Variants in COL8A2 observed in about 807,000 individuals in gnomAD.
COL8A2 encodes the protein collagen type VIII alpha 2 chain.
A neutral mutation model predicts 24.0 loss-of-function variants in COL8A2; 16 were observed. The ratio of observed to expected loss-of-function variants is 0.67; its 90% CI spans 0.45 to 1.01. COL8A2 has a LOEUF of 1.01. Among genes scored for constraint, COL8A2 ranks in the 50% least tolerant of loss-of-function variants. The probability of loss-of-function intolerance (pLI) is 0.00; values close to 1 mark genes in which losing one functional copy is unlikely to be tolerated. For synonymous variants in COL8A2, 466 were observed against 424.5 expected (o/e 1.10, Z -1.20); for missense variants, 818 against 942.4 (o/e 0.87, Z 1.73).
rs1199157828 is a variant in COL8A2, at chr1:36,099,294, C to T, written c.387G>A (p.Gly129=). 6 of 1,565,126 alleles carry T rather than the reference C, an allele frequency of 3.8e-6. No homozygotes were observed. The African/African-American group carries it at 6.8e-5, about 18-fold the overall frequency. Residue 129 remains glycine, a synonymous_variant, in exon 4 of 4, where the codon GGG becomes GGA. Coordinates refer to ENST00000397799, the MANE Select transcript of COL8A2 (RefSeq NM_005202.4). ...CTGGTGGCCCGACCTTGCCAGGGAGCCCTGGGGGACCAGCCTTGCCCATCC... is the reference window on the plus strand; with the variant it reads ...CTGGTGGCCCGACCTTGCCAGGGAGTCCTGGGGGACCAGCCTTGCCCATCC... ...FSRMGKAGPP[G]LPGKVGPPGQ...
Position 36,099,253 on chromosome 1 carries a change from C to T in COL8A2, c.428G>A (p.Arg143Gln), listed in dbSNP as rs773423863. 1.4e-5 allele frequency: 21 copies of T among 1,548,548 alleles called. No homozygotes were observed. Among genetic ancestry groups the T allele is most frequent in the Middle Eastern group, 1.8e-4 (1 of 5,420 alleles). The part of the protein sequence containing the change: ...KVGPPGQPGL[R>Q]GEPGIRGDQG... ...GTCCCCTCGTATTCCTGGCTCCCCC[C>T]GAAGCCCCGGCTGCCCTGGTGGCCC... is the stretch of plus-strand genomic sequence containing the variant. The change falls in exon 4 of 4, where the codon CGG becomes CAG. Residue 143 changes from arginine (R) to glutamine (Q), a missense_variant. By Grantham distance (43) the Arg-to-Gln change is conservative. Coordinates refer to ENST00000397799, the MANE Select transcript of COL8A2 (RefSeq NM_005202.4).
intron 1 of COL8A2, among the ~76,000 whole-genome samples, chr1:36,116,251 C>T (rs1177229589): frequency 2.0e-5 from 3 of 152,176 alleles, no homozygotes; most frequent in Non-Finnish European, 4.4e-5. Flanking sequence ...GTGCCCCATA[C>T]TCCACAACTC....
chr1:36,124,450 G>A (rs531404289), intron 1 of COL8A2, among the ~76,000 whole-genome samples: 1 of 150,786 alleles, frequency 6.6e-6, no homozygotes, highest in Admixed American at 6.6e-5. Context: ...CCCCCTGCAA[G>A]TCTCAGTCTG....
chr1:36,108,723 G>T (rs898318973), intron 2 of COL8A2, among the ~76,000 whole-genome samples: 7 of 152,120 alleles, frequency 4.6e-5, no homozygotes, highest in Admixed American at 3.3e-4. Flanking sequence ...GCAGAGTGGC[G>T]GTGGTGTGCA....
At chr1:36,107,599 T>C (rs1570041907) in intron 2 of COL8A2, among the ~76,000 whole-genome samples, 1 of 152,072 alleles carries the variant, frequency 6.6e-6, no homozygotes, top group Non-Finnish European at 1.5e-5. Context: ...TGGGTGGAGC[T>C]GGGGAGTGCG....
Position 36,115,290 on chromosome 1 carries a change from C to T in COL8A2, c.-17+418G>A, listed in dbSNP as rs751544970. On this transcript the variant is annotated intron_variant, in intron 2 of 3. Transcript: ENST00000397799. This position sits in a 1 kb window ranked among gnomAD's most constrained non-coding sequence, Gnocchi z 5.7. ...TCTGGTTCGCATTTGCAGCCTTTTC[C>T]GGAGCGCCACCCGCCACCCGCTGCC... Among the ~76,000 whole-genome samples, 2 of 152,202 alleles carry T rather than the reference C, an allele frequency of 1.3e-5. No individual in the cohort carries two copies. Among genetic ancestry groups the T allele is most frequent in the South Asian group, 2.1e-4 (1 of 4,836 alleles).
chr1:36,122,394 G>A (rs1280346279), intron 1 of COL8A2, among the ~76,000 whole-genome samples: 1 of 152,174 alleles, frequency 6.6e-6, no homozygotes, highest in Non-Finnish European at 1.5e-5. Context: ...AAGTGGGCCT[G>A]GAATTCTCTT....
At chr1:36,113,069 G>A (rs1311718001) in intron 2 of COL8A2, among the ~76,000 whole-genome samples, 1 of 152,184 alleles carries the variant, frequency 6.6e-6, no homozygotes, top group African/African-American at 2.4e-5. Flanking sequence ...AGAGATGGAT[G>A]TTGAGCCCAG....
intron 2 of COL8A2, among the ~76,000 whole-genome samples, chr1:36,108,785 T>C (rs274763): frequency 0.11 from 15,967 of 151,992 alleles, 997 homozygotes; most frequent in South Asian, 0.2. Context: ...CCTTCACTGC[T>C]CCCAGAAATG....
At chr1:36,117,138 T>A (rs1001625101) in intron 1 of COL8A2, among the ~76,000 whole-genome samples, 2 of 152,242 alleles carry the variant, frequency 1.3e-5, no homozygotes, top group African/African-American at 4.8e-5. Flanking sequence ...CAGTCCTGTC[T>A]GTAGCTGCAC....
Position 36,098,987 on chromosome 1 carries a change from C to A in COL8A2, c.694G>T (p.Gly232Cys). ...CCAGGTTTGCCTAAGCCAGCTGGAC[C>A]AGGGAGGCCGGGGGGGCCGGGGGCA... ...GGAPGPPGLP[G>C]PAGLGKPGLD... is the part of the protein sequence containing the mutation. Residue 232 changes from glycine (G) to cysteine (C), a missense_variant, in exon 4 of 4, where the codon GGT becomes TGT. Around this residue, in one of 3 missense-constraint regions of COL8A2, gnomAD observed 573 missense variants for 616.8 expected, o/e 0.93. Coordinates refer to ENST00000397799, the MANE Select transcript of COL8A2 (RefSeq NM_005202.4). 1 of 1,600,446 alleles carries A rather than the reference C, an allele frequency of 6.2e-7. No homozygotes were observed. The highest frequency in any genetic ancestry group is 8.5e-7 in the Non-Finnish European group (1 of 1,171,672).
intron 1 of COL8A2, among the ~76,000 whole-genome samples, chr1:36,117,276 G>A (rs1326337241): frequency 6.6e-6 from 1 of 152,250 alleles, no homozygotes; most frequent in Non-Finnish European, 1.5e-5. Flanking sequence ...CCTGGATGAT[G>A]GAGCCCAGGT....
rs529976022 is a variant in COL8A2 at position 36,097,461 on chromosome 1, C to T, written c.*108G>A. ...AGTCTCCTCGGGCCAAGGCCACGGC[C>T]GCCTCTGTTCAGCTTTTGTTTTTTT... On this transcript the variant is annotated 3_prime_UTR_variant, in exon 4 of 4. Coordinates refer to ENST00000397799, the MANE Select transcript of COL8A2 (RefSeq NM_005202.4). 2,488 of 933,284 alleles carry T rather than the reference C, an allele frequency of 2.7e-3. 10 individuals carry two copies. The highest frequency in any genetic ancestry group is 3.6e-3 in the Non-Finnish European group (2,183 of 607,028). The allele number at this position is 933,284 out of a possible 1,614,324, so 57.8% of individuals were successfully genotyped here.
chr1:36,098,941 G>A lies in COL8A2; in HGVS notation c.740C>T (p.Ala247Val), dbSNP rs1376156108. The A allele has an allele frequency of 3.1e-6, 5 of 1,610,708 alleles. No homozygotes were observed. The highest frequency in any genetic ancestry group is 1.3e-5 in the African/African-American group (1 of 74,802). ...GKPGLDGLPG[A>V]PGDKGESGPP... is the part of the protein sequence containing the mutation. Reference sequence around the variant, plus strand: ...CCCAGACTCACCCTTGTCTCCTGGGGCCCCAGGAAGCCCATCCAAACCAGG... The same window carrying A: ...CCCAGACTCACCCTTGTCTCCTGGGACCCCAGGAAGCCCATCCAAACCAGG... The change falls in exon 4 of 4, where the codon GCC (alanine) becomes GTC (valine). Residue 247 changes from alanine (A) to valine (V), a missense_variant. Ala to Val is a moderately conservative substitution (Grantham distance 64). This residue lies in a region of COL8A2 where 573 missense variants were observed against 616.8 expected (regional missense o/e 0.93). Transcript: ENST00000397799.
chr1:36,102,916 G>T (rs985439147), intron 2 of COL8A2, among the ~76,000 whole-genome samples: 2 of 151,758 alleles, frequency 1.3e-5, no homozygotes, highest in Non-Finnish European at 2.9e-5. Context: ...CTAGCGATCC[G>T]CCTGCCTCAG....
chr1:36,108,947 G>C (rs975574083), intron 2 of COL8A2, among the ~76,000 whole-genome samples: 1 of 152,170 alleles, frequency 6.6e-6, no homozygotes, highest in Non-Finnish European at 1.5e-5. Flanking sequence ...CATTTCACAG[G>C]TGAGCGATCA....
At chr1:36,100,323 C>T in intron 2 of COL8A2, 65 bp from the exon 3 acceptor site, 1 of 1,369,346 alleles carries the variant, frequency 7.3e-7, no homozygotes, top group Non-Finnish European at 1.0e-6. Context: ...GGCCCGGGGT[C>T]ACCAAAAGAT....
rs979786056 is a variant in COL8A2, at chr1:36,096,502, G to A, written c.*1067C>T. On this transcript the variant is annotated 3_prime_UTR_variant, in exon 4 of 4. Coordinates refer to ENST00000397799, the MANE Select transcript of COL8A2 (RefSeq NM_005202.4). The stretch of plus-strand genomic sequence containing the variant: ...TGTACACACATACACCCACCATATG[G>A]TTCTTATTAAGGAAAAGGAAGTGGG... The A allele has an allele frequency of 1.3e-5, 2 of 152,194 alleles. No homozygotes were observed. Among genetic ancestry groups the A allele is most frequent in the Non-Finnish European group, 2.9e-5 (2 of 68,070 alleles). 9.4% of individuals were successfully genotyped at this position (152,194 alleles called of 1,614,324 possible). A position where few individuals can be genotyped will look rare whatever the true frequency, so the allele number is the denominator to read the frequency against.
In COL8A2 at chr1:36,123,742, C is replaced by T. The variant is rs1481615109; in HGVS notation, c.-62+1315G>A. Among the ~76,000 whole-genome samples, 3 of 152,148 alleles carry T rather than the reference C, an allele frequency of 2.0e-5. No homozygotes were observed. Among genetic ancestry groups the T allele is most frequent in the African/African-American group, 7.2e-5 (3 of 41,416 alleles). The stretch of plus-strand genomic sequence containing the variant: ...TCGGTGTGTGACTGTGCATGGCTCT[C>T]AGAAGGGTGCAAGGCTGTGTGTGGC... On this transcript the variant is annotated intron_variant, in intron 1 of 3. Coordinates refer to ENST00000397799, the MANE Select transcript of COL8A2 (RefSeq NM_005202.4). This position sits in a 1 kb window ranked among gnomAD's most constrained non-coding sequence, Gnocchi z 4.1.
Sources: gnomAD v4.1 joint callset for allele counts (sites outside exome capture counted in the v4.1 genomes callset) on GRCh38, gnomAD v4.1.1 for gene constraint, gnomAD v4.1.1 regional missense constraint, Gnocchi (gnomAD v3.1) non-coding constraint, MANE v1.5 for transcripts, NCBI Gene and HGNC (gene_info 2026-07-23, HGNC 2026-07-21) for gene names.